Variants in TANC1 observed in about 807,000 individuals in gnomAD.
TANC1 encodes tetratricopeptide repeat, ankyrin repeat and coiled-coil containing 1.
Under a neutral mutation model 149.7 loss-of-function variants are expected in TANC1, and 77 were observed. The ratio of observed to expected loss-of-function variants is 0.51; its 90% CI spans 0.43 to 0.62. The LOEUF is 0.62. TANC1 is among the 20% of genes least tolerant of loss of function. The probability of loss-of-function intolerance (pLI) is 0.00; values close to 1 mark genes in which losing one functional copy is unlikely to be tolerated. For synonymous variants in TANC1, 854 were observed against 925.0 expected (o/e 0.92, Z 1.39); for missense variants, 1,985 against 2,321.8 (o/e 0.85, Z 2.98).
chr2:159,098,392 T>C (rs773054275), intron 4 of TANC1, among the ~76,000 whole-genome samples: 2 of 152,204 alleles, frequency 1.3e-5, no homozygotes, highest in Non-Finnish European at 2.9e-5. Flanking sequence ...TGAAGTACAC[T>C]TGAGGATGTT....
At chr2:159,107,925 G>A (rs572875691) in intron 4 of TANC1, among the ~76,000 whole-genome samples, 1 of 152,306 alleles carries the variant, frequency 6.6e-6, no homozygotes, top group South Asian at 2.1e-4. Context: ...CTGCTGTCTT[G>A]TCTTTGTTGA....
chr2:159,091,291 A>G (rs1048686428), intron 3 of TANC1, among the ~76,000 whole-genome samples: 1 of 152,178 alleles, frequency 6.6e-6, no homozygotes, highest in African/African-American at 2.4e-5. Flanking sequence ...TCATCTGAAA[A>G]GGGGGCTAAT....
Position 159,019,824 on chromosome 2 carries a change from G to C in TANC1, c.-16+18635G>C, listed in dbSNP as rs189332686. On this transcript the variant is annotated intron_variant, in intron 2 of 26. Coordinates refer to ENST00000263635, the MANE Select transcript of TANC1 (RefSeq NM_033394.3). ...TTTGATAGAGACGGGGTTTCGACAT[G>C]TTGGCCAGGCTGGTCCCAAACTCCT... Among the ~76,000 whole-genome samples the C allele has an allele frequency of 4.5e-3, 684 of 151,986 alleles. 5 individuals carry two copies. The highest frequency in any genetic ancestry group is 0.015 in the African/African-American group (638 of 41,438).
At chr2:159,028,012 CA>C (rs2039486190) in intron 2 of TANC1, among the ~76,000 whole-genome samples, 1 of 152,176 alleles carries the variant, frequency 6.6e-6, no homozygotes, top group African/African-American at 2.4e-5. Context: ...GACCTCATCT[CA>C]TCCTTATTTC....
At chr2:159,015,998 G>A (rs2038230083) in intron 2 of TANC1, among the ~76,000 whole-genome samples, 1 of 152,188 alleles carries the variant, frequency 6.6e-6, no homozygotes, top group African/African-American at 2.4e-5. Flanking sequence ...CAGTTCCAAA[G>A]CCGCTTCCAC....
chr2:159,125,578 C>CTCCCTCCCTCT (rs2049355511), intron 4 of TANC1, among the ~76,000 whole-genome samples: 1 of 150,396 alleles, frequency 6.6e-6, no homozygotes, highest in Non-Finnish European at 1.5e-5. Context: ...TTCCTTCCTC[C>CTCCCTCCCTCT]CTCCCTCCCT....
chr2:159,114,325 A>G (rs1022915663), intron 4 of TANC1, among the ~76,000 whole-genome samples: 4 of 152,184 alleles, frequency 2.6e-5, no homozygotes, highest in Admixed American at 6.5e-5. Context: ...AAGAAATGAT[A>G]TCAGTGGCCA....
intron 8 of TANC1, among the ~76,000 whole-genome samples, chr2:159,165,107 T>G (rs774146180): frequency 5.3e-5 from 8 of 152,242 alleles, no homozygotes; most frequent in Non-Finnish European, 1.2e-4. Flanking sequence ...CTCAATTTAG[T>G]CAAGCTGTTT....
At chr2:159,107,096 C>T (rs1210815567) in intron 4 of TANC1, among the ~76,000 whole-genome samples, 5 of 152,162 alleles carry the variant, frequency 3.3e-5, no homozygotes, top group South Asian at 2.1e-4. Flanking sequence ...GGTGCTATCT[C>T]GGCTCATTGC....
At chr2:159,044,330 C>G (rs796294022) in intron 2 of TANC1, among the ~76,000 whole-genome samples, 19 of 151,752 alleles carry the variant, frequency 1.3e-4, no homozygotes, top group African/African-American at 4.4e-4. Flanking sequence ...CCAAGCTACT[C>G]GGGAGGCTGA....
At chr2:159,029,805 C>G (rs763918031) in intron 2 of TANC1, among the ~76,000 whole-genome samples, 4 of 152,174 alleles carry the variant, frequency 2.6e-5, no homozygotes, top group Non-Finnish European at 5.9e-5. Flanking sequence ...AAGTGATCCT[C>G]CTGCCTCAGC....
chr2:158,996,875 T>C (rs1391264676), intron 1 of TANC1, among the ~76,000 whole-genome samples: 1 of 151,914 alleles, frequency 6.6e-6, no homozygotes, highest in Non-Finnish European at 1.5e-5. Context: ...AAAATAGACA[T>C]GAAAGAACTT....
chr2:159,150,520 A>T lies in TANC1; in HGVS notation c.646A>T (p.Ser216Cys). ...KSPCETISSP[S>C]STLESKDSGI... ...TCCCTGTGAGACCATTAGCAGCCCTAGTTCCACCCTGGAAAGCAAGGACAG... is the reference window on the plus strand; with the variant it reads ...TCCCTGTGAGACCATTAGCAGCCCTTGTTCCACCCTGGAAAGCAAGGACAG... The change falls in exon 7 of 27, where the codon AGT becomes TGT. Residue 216 changes from serine (S) to cysteine (C), a missense_variant. Ser to Cys is a moderately radical substitution (Grantham distance 112). Coordinates refer to ENST00000263635, the MANE Select transcript of TANC1 (RefSeq NM_033394.3). 6.2e-7 allele frequency: 1 copy of T among 1,614,142 alleles called. No individual in the cohort carries two copies. Among genetic ancestry groups the T allele is most frequent in the Non-Finnish European group, 8.5e-7 (1 of 1,179,998 alleles).
chr2:159,069,979 G>A (rs1394486197), intron 3 of TANC1, among the ~76,000 whole-genome samples: 1 of 151,514 alleles, frequency 6.6e-6, no homozygotes, highest in Non-Finnish European at 1.5e-5. Context: ...TGGGGTTTCC[G>A]CCATGTTGCC....
chr2:159,202,955 C>T (rs1258721569), intron 19 of TANC1, among the ~76,000 whole-genome samples: 1 of 152,140 alleles, frequency 6.6e-6, no homozygotes, highest in Non-Finnish European at 1.5e-5. Context: ...CCTCATGCTG[C>T]TGTGGATTGG....
At chr2:159,101,197 A>G (rs1028804721) in intron 4 of TANC1, among the ~76,000 whole-genome samples, 9 of 152,234 alleles carry the variant, frequency 5.9e-5, no homozygotes, top group Non-Finnish European at 2.9e-5. Context: ...AACTTGTTTC[A>G]GTTGTTTGTA....
At chr2:159,051,243 T>C (rs1229594500) in intron 2 of TANC1, among the ~76,000 whole-genome samples, 1 of 152,204 alleles carries the variant, frequency 6.6e-6, no homozygotes, top group Admixed American at 6.5e-5. Context: ...CTGGGCTACA[T>C]GTACAAGAGT....
At chr2:158,980,007 GA>G (rs1307940793) in intron 1 of TANC1, among the ~76,000 whole-genome samples, 1 of 152,196 alleles carries the variant, frequency 6.6e-6, no homozygotes, top group Non-Finnish European at 1.5e-5. Flanking sequence ...TGTAACTTAA[GA>G]GGGCCTTATT....
At chr2:159,016,757 G>C (rs2038316750) in intron 2 of TANC1, among the ~76,000 whole-genome samples, 1 of 151,818 alleles carries the variant, frequency 6.6e-6, no homozygotes, top group African/African-American at 2.4e-5. Flanking sequence ...TGTATTTTTA[G>C]TAGAGACAGG....
Sources: allele counts gnomAD v4.1 joint callset (sites outside exome capture counted in the v4.1 genomes callset), GRCh38; gene constraint gnomAD v4.1.1; transcripts MANE v1.5; gene names NCBI Gene and HGNC (gene_info 2026-07-23, HGNC 2026-07-21).